FRMD4A: variants seen among roughly 807,000 people sequenced by gnomAD.
The protein encoded by FRMD4A is FERM domain containing 4A.
A neutral mutation model predicts 129.1 loss-of-function variants in FRMD4A; 29 were observed. The ratio of observed to expected loss-of-function variants is 0.22; its 90% confidence interval spans 0.17 to 0.31. The LOEUF is 0.31. Ranked by LOEUF, FRMD4A falls within the 10% of genes least tolerant of loss-of-function variation. FRMD4A has a pLI of 1.00. For synonymous variants in FRMD4A, 634 were observed against 571.6 expected, an observed-to-expected ratio of 1.11 and a Z score of -1.56; for missense variants, 1,272 against 1,375.8, an observed-to-expected ratio of 0.92 and a Z score of 1.19.
At chr10:14,318,244 G>A (rs1846822453) in intron 2 of FRMD4A, among the ~76,000 whole-genome samples, 1 of 151,324 alleles carries the variant, frequency 6.6e-6, no homozygotes, top group African/African-American at 2.4e-5. Flanking sequence ...CCTCAGCCAT[G>A]TTCATTATGG....
intron 2 of FRMD4A, among the ~76,000 whole-genome samples, chr10:14,169,641 C>T (rs972334119): frequency 6.6e-6 from 1 of 152,150 alleles, no homozygotes; most frequent in African/African-American, 2.4e-5. Context: ...GTGTATGTGG[C>T]CCTTTCTTGG....
chr10:14,267,310 GA>G (rs1365228420), intron 2 of FRMD4A, among the ~76,000 whole-genome samples: 2 of 152,134 alleles, frequency 1.3e-5, no homozygotes, highest in Non-Finnish European at 2.9e-5. Context: ...AAGAAATAAG[GA>G]AAAAATAGAA....
chr10:14,295,628 G>C (rs546703318), intron 2 of FRMD4A, among the ~76,000 whole-genome samples: 2 of 152,166 alleles, frequency 1.3e-5, no homozygotes, highest in South Asian at 4.1e-4. Flanking sequence ...TGGGGACATG[G>C]TGAGAGGAGA....
Position 13,657,486 on chromosome 10 carries a change from G to A in FRMD4A, c.2103C>T (p.Leu701=), listed in dbSNP as rs534651878. 25 of 1,607,980 alleles carry A rather than the reference G, an allele frequency of 1.6e-5. No homozygotes were observed. Among genetic ancestry groups the A allele is most frequent in the Non-Finnish European group, 1.4e-5 (16 of 1,179,114 alleles). Reference sequence around the variant, plus strand: ...AGCTCCGGTGCCTAAAGTGCAGTGCGAGGCTGTGCAGTCGGGTGGGGCTGA... The same window carrying A: ...AGCTCCGGTGCCTAAAGTGCAGTGCAAGGCTGTGCAGTCGGGTGGGGCTGA... The part of the protein sequence containing the change: ...VDISPTRLHS[L]ALHFRHRSSS... Residue 701 remains leucine, a synonymous_variant, in exon 22 of 25, where the codon CTC becomes CTT. Coordinates refer to ENST00000357447, the MANE Select transcript of FRMD4A (RefSeq NM_018027.5).
At chr10:13,859,527 T>A (rs912376304) in intron 2 of FRMD4A, among the ~76,000 whole-genome samples, 1 of 152,110 alleles carries the variant, frequency 6.6e-6, no homozygotes, top group African/African-American at 2.4e-5. Context: ...AATTAGCAAA[T>A]ATATATATAA....
intron 2 of FRMD4A, among the ~76,000 whole-genome samples, chr10:13,930,946 C>A (rs1243979274): frequency 6.6e-6 from 1 of 152,076 alleles, no homozygotes; most frequent in African/African-American, 2.4e-5. Flanking sequence ...GATCCTCCTC[C>A]CTCAGCCTCC....
chr10:13,659,743 C>T (rs560632674), intron 20 of FRMD4A, among the ~76,000 whole-genome samples: 3 of 152,124 alleles, frequency 2.0e-5, no homozygotes, highest in African/African-American at 7.2e-5. Context: ...GACGGTCCTG[C>T]CCTTACAGTT....
At position 13,656,844 on chromosome 10, in the gene FRMD4A, G is replaced by A. The variant is rs2082193289; in HGVS notation, c.2745C>T (p.His915=). The A allele has an allele frequency of 4.6e-6, 7 of 1,516,142 alleles. No homozygotes were observed. Among genetic ancestry groups the A allele is most frequent in the South Asian group, 2.5e-5 (2 of 79,572 alleles). 93.9% of individuals were successfully genotyped at this position (1,516,142 alleles called of 1,614,324 possible). A position where few individuals can be genotyped will look rare whatever the true frequency, so the allele number is the denominator to read the frequency against. Residue 915 remains histidine, a synonymous_variant, in exon 22 of 25, where the codon CAC becomes CAT. Coordinates refer to ENST00000357447, the MANE Select transcript of FRMD4A (RefSeq NM_018027.5). The stretch of plus-strand genomic sequence containing the variant: ...CGGCGGCACGGCCCGCGCCCTTGTC[G>A]TGGGCGCCCTCGCGGCCCAGCGACG... ...RTPSLGREGA[H]DKGAGRAAVS...
intron 2 of FRMD4A, among the ~76,000 whole-genome samples, chr10:14,122,264 T>G (rs1352581704): frequency 6.6e-6 from 1 of 152,144 alleles, no homozygotes; most frequent in Non-Finnish European, 1.5e-5. Flanking sequence ...ACAACAAGAC[T>G]GACTTCTGGC....
chr10:13,876,186 T>A (rs930808843), intron 2 of FRMD4A, among the ~76,000 whole-genome samples: 3 of 152,170 alleles, frequency 2.0e-5, no homozygotes, highest in African/African-American at 7.2e-5. Context: ...TCCTCTCCAA[T>A]AAGTTGTGAT....
intron 2 of FRMD4A, among the ~76,000 whole-genome samples, chr10:14,253,527 G>C (rs141333463): frequency 6.6e-6 from 1 of 152,290 alleles, no homozygotes; most frequent in East Asian, 1.9e-4. Context: ...GTCCTGGACA[G>C]ATCGTTATAG....
chr10:13,789,041 T>C (rs901699012), intron 5 of FRMD4A, among the ~76,000 whole-genome samples: 1 of 152,200 alleles, frequency 6.6e-6, no homozygotes, highest in Non-Finnish European at 1.5e-5. Flanking sequence ...CATTTTGTAA[T>C]GAACACAAAT....
chr10:13,814,661 A>G (rs2093510740), intron 3 of FRMD4A, among the ~76,000 whole-genome samples: 1 of 151,304 alleles, frequency 6.6e-6, no homozygotes, highest in African/African-American at 2.4e-5. Context: ...GAGAGACAGA[A>G]ACAGAGAGCA....
At chr10:13,728,529 C>T (rs189742329) in intron 12 of FRMD4A, among the ~76,000 whole-genome samples, 93 of 146,590 alleles carry the variant, frequency 6.3e-4, no homozygotes, top group Non-Finnish European at 8.3e-4. Flanking sequence ...CCACCCTGTA[C>T]GGAATTCTAA....
At chr10:13,807,461 T>C (rs1288254652) in intron 4 of FRMD4A, among the ~76,000 whole-genome samples, 1 of 152,202 alleles carries the variant, frequency 6.6e-6, no homozygotes, top group Non-Finnish European at 1.5e-5. Context: ...GGAACTCTAA[T>C]ATGTTTGCAA....
At chr10:14,083,881 CT>C (rs34200577) in intron 2 of FRMD4A, 27 of 152,274 alleles carry the variant, frequency 1.8e-4, no homozygotes, top group African/African-American at 5.5e-4. Context: ...ACAACTGTAA[CT>C]TTTTGGTTGT....
intron 2 of FRMD4A, among the ~76,000 whole-genome samples, chr10:14,211,525 T>C (rs1296002998): frequency 6.6e-6 from 1 of 152,214 alleles, no homozygotes; most frequent in African/African-American, 2.4e-5. Flanking sequence ...AACCGTATCA[T>C]GCGTGCTATC....
rs143029812 is a variant in FRMD4A at position 13,969,743 on chromosome 10, G to A, written c.46-110831C>T. ...GTGACATGGTCCCAGCTATTTGGGA[G>A]GCTGAGGTGGGAGGATCATCTGAGC... On this transcript the variant is annotated intron_variant, in intron 2 of 24. Transcript: ENST00000357447. 6.1e-3 allele frequency among the ~76,000 whole-genome samples: 844 copies of A among 139,048 alleles called. 14 individuals carry two copies. Among genetic ancestry groups the A allele is most frequent in the African/African-American group, 0.019 (778 of 40,958 alleles). The allele number at this position is 139,048 out of a possible 152,430, so 91.2% of individuals were successfully genotyped here. A position where few individuals can be genotyped will look rare whatever the true frequency, so the allele number is the denominator to read the frequency against.
At chr10:14,189,270 G>A (rs1842243225) in intron 2 of FRMD4A, among the ~76,000 whole-genome samples, 2 of 152,132 alleles carry the variant, frequency 1.3e-5, no homozygotes, top group South Asian at 4.1e-4. Flanking sequence ...GTGGAAAAAG[G>A]GGTAAGAGGA....
Sources: allele counts gnomAD v4.1 joint callset (sites outside exome capture counted in the v4.1 genomes callset), GRCh38; gene constraint gnomAD v4.1.1; transcripts MANE v1.5; gene names NCBI Gene and HGNC (gene_info 2026-07-23, HGNC 2026-07-21).